MCC: variants seen among roughly 807,000 people sequenced by gnomAD.
The protein encoded by MCC is colorectal mutant cancer protein.
MCC carries 90 observed loss-of-function variants against 116.2 expected under a neutral mutation model. That is an observed-to-expected ratio of 0.77 (90% confidence interval 0.65 to 0.92). MCC has a LOEUF of 0.92. Among genes scored for constraint, MCC ranks in the 40% least tolerant of loss-of-function variants. The pLI is 0.00. For missense variants in MCC, 1,516 were observed against 1,312.2 expected, an observed-to-expected ratio of 1.16 and a Z score of -2.40; for synonymous variants, 578 against 510.5, an observed-to-expected ratio of 1.13 and a Z score of -1.78.
rs1465481007 is a variant in MCC, at chr5:113,029,162, C to G, written c.2757-106G>C. On this transcript the variant is annotated intron_variant, in intron 17 of 18. Coordinates refer to ENST00000408903, the MANE Select transcript of MCC (RefSeq NM_001085377.2). ...AAAGAGGAAGGTTTAGCTTGCAAAGCCTAAAGGCAAGGGAGAGAAAAGATA... is the reference window on the plus strand; with the variant it reads ...AAAGAGGAAGGTTTAGCTTGCAAAGGCTAAAGGCAAGGGAGAGAAAAGATA... The G allele has an allele frequency of 3.5e-6, 4 of 1,152,768 alleles. No homozygotes were observed. The African/African-American group carries it at 6.2e-5, about 18-fold the overall frequency. 71.4% of individuals were successfully genotyped at this position (1,152,768 alleles called of 1,614,324 possible).
intron 18 of MCC, 57 bp from the exon 19 acceptor site, chr5:113,027,539 ACC>A: frequency 6.7e-7 from 1 of 1,500,158 alleles, no homozygotes; most frequent in Non-Finnish European, 9.2e-7. Flanking sequence ...GCATCGTGAC[ACC>A]ATCCTGTCCA....
rs568688654 is a variant in MCC at position 113,225,531 on chromosome 5, G to A, written c.628-74109C>T. ...TGGTGACACTGATGACATTCTCCTAGTCATTCCCTCTGAATACTCACACCC... is the reference window on the plus strand; with the variant it reads ...TGGTGACACTGATGACATTCTCCTAATCATTCCCTCTGAATACTCACACCC... On this transcript the variant is annotated intron_variant, in intron 3 of 18. Transcript: ENST00000408903. 2.6e-5 allele frequency among the ~76,000 whole-genome samples: 4 copies of A among 152,282 alleles called. No individual in the cohort carries two copies. In the South Asian group the frequency reaches 8.3e-4, roughly 32 times the overall value.
chr5:113,343,337 A>G (rs1353109852), intron 2 of MCC, among the ~76,000 whole-genome samples: 1 of 152,180 alleles, frequency 6.6e-6, no homozygotes, highest in East Asian at 1.9e-4. Context: ...TATATTTGCA[A>G]TTGCTCCAAG....
At chr5:113,394,190 T>C (rs1769470533) in intron 1 of MCC, among the ~76,000 whole-genome samples, 1 of 152,126 alleles carries the variant, frequency 6.6e-6, no homozygotes, top group African/African-American at 2.4e-5. Flanking sequence ...CTAGAAGTTA[T>C]CTAGGATGTT....
At position 113,030,637 on chromosome 5, in the gene MCC, C is replaced by T. The variant is rs182538525; in HGVS notation, c.2757-1581G>A. Among the ~76,000 whole-genome samples, 6 of 152,280 alleles carry T rather than the reference C, an allele frequency of 3.9e-5. No homozygotes were observed. The East Asian group carries it at 1.2e-3, about 29-fold the overall frequency. On this transcript the variant is annotated intron_variant, in intron 17 of 18. Transcript: ENST00000408903. ...CAAGACCAGTGAGCCATGATCCTGCCACTGCACTCCAGCTTGGGTGACGGA... is the reference window on the plus strand; with the variant it reads ...CAAGACCAGTGAGCCATGATCCTGCTACTGCACTCCAGCTTGGGTGACGGA...
intron 3 of MCC, among the ~76,000 whole-genome samples, chr5:113,254,575 G>A (rs1481850299): frequency 6.6e-6 from 1 of 152,154 alleles, no homozygotes; most frequent in Non-Finnish European, 1.5e-5. Context: ...CAGCCCATAC[G>A]TAAAGCAAAC....
intron 3 of MCC, among the ~76,000 whole-genome samples, chr5:113,197,649 T>C (rs1236742038): frequency 6.6e-6 from 1 of 152,208 alleles, no homozygotes; most frequent in South Asian, 2.1e-4. Context: ...GCATCAAATA[T>C]TGAAAACTTA....
intron 1 of MCC, among the ~76,000 whole-genome samples, chr5:113,394,884 G>C (rs1029814383): frequency 1.1e-4 from 17 of 152,166 alleles, no homozygotes; most frequent in African/African-American, 3.9e-4. Context: ...TGTAAATCTA[G>C]TTTATTGGAA....
At chr5:113,219,419 G>C (rs1226851030) in intron 3 of MCC, among the ~76,000 whole-genome samples, 1 of 152,188 alleles carries the variant, frequency 6.6e-6, no homozygotes, top group Non-Finnish European at 1.5e-5. Context: ...TCAATGATCA[G>C]CTGCTATGTT....
chr5:113,261,058 T>G (rs1303279660), intron 3 of MCC, among the ~76,000 whole-genome samples: 1 of 152,178 alleles, frequency 6.6e-6, no homozygotes, highest in South Asian at 2.1e-4. Flanking sequence ...CAGAAAGTTG[T>G]CGACTTACGA....
At chr5:113,076,256 C>A (rs574898903) in intron 11 of MCC, among the ~76,000 whole-genome samples, 4 of 152,196 alleles carry the variant, frequency 2.6e-5, no homozygotes, top group Admixed American at 1.3e-4. Flanking sequence ...TCCAGGAGAA[C>A]GTCCCCAACC....
At chr5:113,357,450 G>A (rs1208759590) in intron 2 of MCC, among the ~76,000 whole-genome samples, 1 of 152,138 alleles carries the variant, frequency 6.6e-6, no homozygotes, top group Non-Finnish European at 1.5e-5. Context: ...GGGCAGAAGA[G>A]GGCCCCCCAC....
chr5:113,190,008 G>A (rs987965655), intron 3 of MCC, among the ~76,000 whole-genome samples: 2 of 152,168 alleles, frequency 1.3e-5, no homozygotes, highest in African/African-American at 4.8e-5. Flanking sequence ...GTGTCCGCCT[G>A]AAGTACCCAG....
At chr5:113,146,172 A>T (rs961103181) in intron 4 of MCC, among the ~76,000 whole-genome samples, 1 of 136,536 alleles carries the variant, frequency 7.3e-6, no homozygotes, top group African/African-American at 2.7e-5. Context: ...CTCTACACAG[A>T]TCAGACATTT....
Position 113,120,218 on chromosome 5 carries a change from CTTATGAACTTAGCATGTTG to C in MCC, c.1027+2447_1027+2465del, listed in dbSNP as rs1757654276. ...GCCAGGGTTAGAGATTTATGATGCC[CTTATGAACTTAGCATGTTG>C]GTATGAACTTAGCATGCTGGTATGA... On this transcript the variant is annotated intron_variant, in intron 6 of 18. Coordinates refer to ENST00000408903, the MANE Select transcript of MCC (RefSeq NM_001085377.2). Among the ~76,000 whole-genome samples the C allele has an allele frequency of 3.3e-5, 5 of 152,272 alleles. 1 individual carries two copies. The highest frequency in any genetic ancestry group is 1.2e-4 in the African/African-American group (5 of 41,552).
chr5:113,225,924 G>A (rs1763716857), intron 3 of MCC, among the ~76,000 whole-genome samples: 1 of 152,264 alleles, frequency 6.6e-6, no homozygotes, highest in African/African-American at 2.4e-5. Context: ...TATAATCCCA[G>A]CACTTTGGAA....
intron 6 of MCC, among the ~76,000 whole-genome samples, chr5:113,110,388 T>C (rs1757016641): frequency 6.6e-6 from 1 of 152,196 alleles, no homozygotes; most frequent in Non-Finnish European, 1.5e-5. Context: ...AATTATCTCC[T>C]GACAGAAAGG....
chr5:113,304,567 T>A (rs952408115), intron 3 of MCC, among the ~76,000 whole-genome samples: 2 of 152,222 alleles, frequency 1.3e-5, no homozygotes, highest in Non-Finnish European at 2.9e-5. Context: ...AAGCATCATG[T>A]GATGCATCAA....
At chr5:113,193,219 C>T (rs1370597533) in intron 3 of MCC, among the ~76,000 whole-genome samples, 2 of 152,102 alleles carry the variant, frequency 1.3e-5, no homozygotes, top group African/African-American at 2.4e-5. Flanking sequence ...TATGAAGACC[C>T]TTTTGATTAC....
Sources: gnomAD v4.1 joint callset for allele counts (sites outside exome capture counted in the v4.1 genomes callset) on GRCh38, gnomAD v4.1.1 for gene constraint, MANE v1.5 for transcripts, NCBI Gene and HGNC (gene_info 2026-07-23, HGNC 2026-07-21) for gene names.